ALPK2: variants seen among roughly 807,000 people sequenced by gnomAD.
The protein encoded by ALPK2 is alpha kinase 2.
Under a neutral mutation model 163.1 loss-of-function variants are expected in ALPK2, and 127 were observed. The observed-to-expected ratio is 0.78, with a 90% CI of 0.67 to 0.90. The LOEUF (loss-of-function observed/expected upper bound fraction) is 0.90, where lower values mean the gene tolerates loss of function less well. ALPK2 is among the 40% of genes least tolerant of loss of function. The pLI, the probability that ALPK2 is intolerant of heterozygous loss-of-function variation, is 0.00. For missense variants in ALPK2, 2,360 were observed against 2,589.6 expected (o/e 0.91, Z 1.92); for synonymous variants, 953 against 959.1 (o/e 0.99, Z 0.12).
intron 4 of ALPK2, chr18:58,538,490 T>C (rs776052074): frequency 7.0e-6 from 3 of 426,602 alleles, no homozygotes; most frequent in Non-Finnish European, 1.2e-5. Flanking sequence ...ATTTATTTAA[T>C]GATTTCTTTC....
intron 8 of ALPK2, among the ~76,000 whole-genome samples, chr18:58,520,881 T>G (rs2051546811): frequency 1.3e-5 from 2 of 152,146 alleles, no homozygotes; most frequent in South Asian, 2.1e-4. Context: ...CTGGGTGCAG[T>G]GGTGAGCACC....
At chr18:58,611,342 T>G (rs141337905) in intron 2 of ALPK2, among the ~76,000 whole-genome samples, 158 of 150,676 alleles carry the variant, frequency 1.0e-3, no homozygotes, top group African/African-American at 3.1e-3. Context: ...CGAAAAAAAG[T>G]GATTCATGCC....
intron 4 of ALPK2, among the ~76,000 whole-genome samples, chr18:58,554,351 G>A (rs374889971): frequency 5.3e-5 from 8 of 152,348 alleles, no homozygotes; most frequent in Non-Finnish European, 1.0e-4. Context: ...TTGTCTCTCT[G>A]ACTGCAGGGG....
Position 58,536,623 on chromosome 18 carries a change from A to G in ALPK2, c.3564T>C (p.Gly1188=), listed in dbSNP as rs774041055. The G allele has an allele frequency of 1.2e-6, 2 of 1,613,914 alleles. No homozygotes were observed. The highest frequency in any genetic ancestry group is 1.7e-6 in the Non-Finnish European group (2 of 1,180,008). The change falls in exon 5 of 13, where the codon GGT becomes GGC. Residue 1188 remains glycine (G), a synonymous_variant. Coordinates refer to ENST00000361673, the MANE Select transcript of ALPK2 (RefSeq NM_052947.4). ...CCACCACGGAGACCCTCGTCCCCCAACCTGAGCGCTGCCCTGCTCCTTCCC... is the reference window on the plus strand; with the variant it reads ...CCACCACGGAGACCCTCGTCCCCCAGCCTGAGCGCTGCCCTGCTCCTTCCC... The part of the protein sequence containing the change: ...SSREGAGQRS[G]WGTRVSVVAE...
chr18:58,504,241 C>T, intron 10 of ALPK2, 93 bp from the exon 11 acceptor site: 1 of 1,085,234 alleles, frequency 9.2e-7, no homozygotes, highest in Non-Finnish European at 1.4e-6. Context: ...CAGCACGGAG[C>T]ATAGAATTTG....
rs1196289563 is a variant in ALPK2, at chr18:58,626,741, T to A, written c.-21+2023A>T. ...AGATACATTCTAAAATATCTTTTTT[T>A]AATTTTCAAACACATTGTTTCCAAG... is the stretch of plus-strand genomic sequence containing the variant. On this transcript the variant is annotated intron_variant, in intron 1 of 12. Coordinates refer to ENST00000361673, the MANE Select transcript of ALPK2 (RefSeq NM_052947.4). Among the ~76,000 whole-genome samples the A allele has an allele frequency of 3.3e-5, 5 of 152,340 alleles. No homozygotes were observed. The South Asian group carries it at 6.2e-4, about 19-fold the overall frequency.
intron 9 of ALPK2, among the ~76,000 whole-genome samples, chr18:58,516,138 AAGGCCAGG>A (rs1358905246): frequency 3.3e-5 from 5 of 152,172 alleles, no homozygotes; most frequent in Non-Finnish European, 7.4e-5. Context: ...AGGGTTGCTT[AAGGCCAGG>A]AGGCCGAGAC....
intron 4 of ALPK2, chr18:58,543,460 G>T: frequency 1.1e-6 from 1 of 940,202 alleles, no homozygotes; most frequent in Non-Finnish European, 1.3e-6. Context: ...TGGGGGCCAT[G>T]CGGGGCTCTG....
At chr18:58,512,874 GGTGT>G (rs200425558) in intron 10 of ALPK2, among the ~76,000 whole-genome samples, 2 of 138,684 alleles carry the variant, frequency 1.4e-5, no homozygotes, top group African/African-American at 5.3e-5. Flanking sequence ...TTGTATGTGT[GGTGT>G]GTGTGGGGGT....
At chr18:58,582,529 CTA>C (rs1168033185) in intron 3 of ALPK2, among the ~76,000 whole-genome samples, 1 of 148,458 alleles carries the variant, frequency 6.7e-6, no homozygotes, top group Non-Finnish European at 1.5e-5. Flanking sequence ...AGAAAAATGT[CTA>C]TTGCTGCAGT....
intron 5 of ALPK2, 39 bp from the exon 6 acceptor site, chr18:58,529,277 C>CT: frequency 6.4e-7 from 1 of 1,571,314 alleles, no homozygotes; most frequent in Admixed American, 1.8e-5. Context: ...TAACAAAAGA[C>CT]TTTCCCATTT....
At chr18:58,627,307 ATGTT>A (rs1263841687) in intron 1 of ALPK2, among the ~76,000 whole-genome samples, 1 of 152,198 alleles carries the variant, frequency 6.6e-6, no homozygotes, top group Non-Finnish European at 1.5e-5. Context: ...TTATGATTAA[ATGTT>A]TGGTAAAAAC....
At chr18:58,498,141 G>A in intron 11 of ALPK2, 44 bp from the exon 12 acceptor site, 3 of 1,604,320 alleles carry the variant, frequency 1.9e-6, no homozygotes, top group Non-Finnish European at 2.6e-6. Context: ...GTTACTCAGG[G>A]CCCCTCAGGA....
At chr18:58,621,400 G>C (rs1056681966) in intron 1 of ALPK2, among the ~76,000 whole-genome samples, 1 of 151,296 alleles carries the variant, frequency 6.6e-6, no homozygotes, top group Non-Finnish European at 1.5e-5. Flanking sequence ...TCAGCCTCCC[G>C]AGCTCGAACT....
intron 11 of ALPK2, among the ~76,000 whole-genome samples, chr18:58,499,750 G>A (rs1007132010): frequency 2.8e-4 from 43 of 152,220 alleles, no homozygotes; most frequent in African/African-American, 8.2e-4. Context: ...TCCATGGGCC[G>A]GGCTGTGAGC....
intron 4 of ALPK2, among the ~76,000 whole-genome samples, chr18:58,553,555 C>T (rs970254674): frequency 3.3e-5 from 5 of 152,128 alleles, no homozygotes; most frequent in African/African-American, 4.8e-5. Context: ...ATAATCCCCA[C>T]GCATCAAGGG....
At chr18:58,593,855 G>T (rs2052028020) in intron 3 of ALPK2, among the ~76,000 whole-genome samples, 1 of 150,860 alleles carries the variant, frequency 6.6e-6, no homozygotes, top group Non-Finnish European at 1.5e-5. Flanking sequence ...TCCAGCCTGG[G>T]CAACAGAGCA....
At chr18:58,583,958 G>A (rs1476144396) in intron 3 of ALPK2, among the ~76,000 whole-genome samples, 1 of 152,138 alleles carries the variant, frequency 6.6e-6, no homozygotes, top group Non-Finnish European at 1.5e-5. Context: ...GGGCAGTAAA[G>A]CAGTAAGAAA....
intron 4 of ALPK2, among the ~76,000 whole-genome samples, chr18:58,565,236 G>A (rs1357409099): frequency 1.3e-5 from 2 of 152,288 alleles, no homozygotes; most frequent in East Asian, 3.9e-4. Flanking sequence ...GCTTCCTTGG[G>A]CCTTCATGCA....
Sources: gnomAD v4.1 joint callset for allele counts (sites outside exome capture counted in the v4.1 genomes callset) on GRCh38, gnomAD v4.1.1 for gene constraint, MANE v1.5 for transcripts, NCBI Gene and HGNC (gene_info 2026-07-23, HGNC 2026-07-21) for gene names.